DNMT3B: variants seen among roughly 807,000 people sequenced by gnomAD.
The protein encoded by DNMT3B is DNA methyltransferase 3 beta.
Under a neutral mutation model 120.2 loss-of-function variants are expected in DNMT3B, and 37 were observed. The observed-to-expected ratio is 0.31, with a 90% confidence interval of 0.24 to 0.40. The LOEUF (loss-of-function observed/expected upper bound fraction) is 0.40, where lower values mean the gene tolerates loss of function less well. Among genes scored for constraint, DNMT3B ranks in the 10% least tolerant of loss-of-function variants. The pLI is 1.00. For synonymous variants in DNMT3B, 412 were observed against 442.8 expected, an observed-to-expected ratio of 0.93 and a Z score of 0.87; for missense variants, 878 against 1,137.3, an observed-to-expected ratio of 0.77 and a Z score of 3.28.
chr20:32,794,705 G>A (rs1002635164), intron 10 of DNMT3B, among the ~76,000 whole-genome samples: 1 of 152,148 alleles, frequency 6.6e-6, no homozygotes, highest in Non-Finnish European at 1.5e-5. Context: ...AAATTTCCAA[G>A]ATGTTAGCAT....
At chr20:32,780,573 T>TC in intron 2 of DNMT3B, 108 bp downstream of exon 2, 3 of 1,501,444 alleles carry the variant, frequency 2.0e-6, no homozygotes, top group Non-Finnish European at 2.7e-6. Context: ...CCACCACAAT[T>TC]CCCCGGGAGG....
chr20:32,779,064 GC>G (rs1232090949), intron 1 of DNMT3B, among the ~76,000 whole-genome samples: 13 of 152,188 alleles, frequency 8.5e-5, no homozygotes, highest in Admixed American at 3.9e-4. Context: ...AGGCAGGGAG[GC>G]CCGGTGCATA....
intron 1 of DNMT3B, among the ~76,000 whole-genome samples, chr20:32,773,039 G>A (rs1048401320): frequency 4.0e-5 from 6 of 151,852 alleles, no homozygotes; most frequent in Admixed American, 3.9e-4. Context: ...GGCTGGTCTT[G>A]AACTCCCGAC....
chr20:32,775,636 G>T (rs28377882), intron 1 of DNMT3B, among the ~76,000 whole-genome samples: 1,752 of 152,342 alleles, frequency 0.012, 34 homozygotes, highest in African/African-American at 0.04. Context: ...CAGCCTCTGG[G>T]AAAGGGTCAG....
Position 32,787,345 on chromosome 20 carries a change from G to A in DNMT3B, c.548G>A (p.Ser183Asn). 1 of 1,614,248 alleles carries A rather than the reference G, an allele frequency of 6.2e-7. No individual in the cohort carries two copies. The highest frequency in any genetic ancestry group is 8.5e-7 in the Non-Finnish European group (1 of 1,180,042). ...GAGGACACACATGGGACGCCCCAGA[G>A]CAGCAGTACCCCCTACGCCCGCCTA... ...DTEDTHGTPQ[S>N]SSTPYARLAQ... Residue 183 changes from serine (S) to asparagine (N), a missense_variant, in exon 6 of 23, where the codon AGC (serine) becomes AAC (asparagine). By Grantham distance (46) the Ser-to-Asn change is conservative. This residue lies in a region of DNMT3B where 287 missense variants were observed against 306.2 expected (regional missense o/e 0.94). Transcript: ENST00000328111.
At chr20:32,792,845 T>A in intron 9 of DNMT3B, 75 bp downstream of exon 9, 2 of 1,596,336 alleles carry the variant, frequency 1.3e-6, no homozygotes, top group Non-Finnish European at 8.5e-7. Context: ...CAGCCACCCC[T>A]GCTGCCCCAC....
intron 15 of DNMT3B, 105 bp from the exon 16 acceptor site, chr20:32,799,139 C>A: frequency 7.8e-7 from 1 of 1,287,144 alleles, no homozygotes; most frequent in Non-Finnish European, 1.1e-6. Context: ...GCAGTGGCTA[C>A]GGCAAGGTTT....
At chr20:32,796,649 G>A in intron 12 of DNMT3B, 141 bp from the exon 13 acceptor site, 4 of 855,206 alleles carry the variant, frequency 4.7e-6, no homozygotes, top group South Asian at 4.1e-5. Flanking sequence ...GGTAGAAGCT[G>A]TGAGGCATGG....
chr20:32,795,587 A>G, intron 11 of DNMT3B, 53 bp downstream of exon 11: 1 of 1,614,194 alleles, frequency 6.2e-7, no homozygotes, highest in East Asian at 2.2e-5. Context: ...GACGCTGCAG[A>G]TCAGGAATTG....
At chr20:32,800,034 T>G in intron 16 of DNMT3B, 119 bp from the exon 17 acceptor site, 1 of 1,440,778 alleles carries the variant, frequency 6.9e-7, no homozygotes, top group Non-Finnish European at 9.7e-7. Flanking sequence ...CTTTGCTGGA[T>G]TGAACGCATG....
intron 13 of DNMT3B, 109 bp downstream of exon 13, chr20:32,796,978 G>C: frequency 6.2e-7 from 1 of 1,613,292 alleles, no homozygotes. Flanking sequence ...ACTCATCCCA[G>C]CTGCCTTGCA....
intron 1 of DNMT3B, chr20:32,780,055 C>T: frequency 6.3e-7 from 1 of 1,597,534 alleles, no homozygotes; most frequent in South Asian, 1.1e-5. Context: ...GAGACCCCAG[C>T]CCTGGCCTCC....
intron 10 of DNMT3B, 98 bp downstream of exon 10, chr20:32,793,693 T>C (rs1980262495): frequency 7.2e-7 from 1 of 1,397,140 alleles, no homozygotes; most frequent in South Asian, 1.2e-5. Flanking sequence ...ATCAAATTTC[T>C]TGAAAAGTCA....
In DNMT3B at chr20:32,795,483, A is replaced by G. The variant is rs1302172329; in HGVS notation, c.1201A>G (p.Thr401Ala). 6.2e-7 allele frequency: 1 copy of G among 1,614,184 alleles called. No homozygotes were observed. Among genetic ancestry groups the G allele is most frequent in the Non-Finnish European group, 8.5e-7 (1 of 1,180,034 alleles). The change falls in exon 11 of 23, where the codon ACA (threonine) becomes GCA (alanine). Residue 401 changes from threonine (T) to alanine (A), a missense_variant. Transcript: ENST00000328111. ...DYCPAPKRLK[T>A]NCYNNGKDRG... ...CTGCCCCGCACCCAAGCGCCTCAAG[A>G]CAAATTGCTATAACAACGGCAAAGA...
Position 32,808,495 on chromosome 20 carries a change from G to A in DNMT3B, c.*592G>A. 4.2e-6 allele frequency: 1 copy of A among 236,628 alleles called. No individual in the cohort carries two copies. The highest frequency in any genetic ancestry group is 8.3e-6 in the Non-Finnish European group (1 of 120,160). 14.7% of individuals were successfully genotyped at this position (236,628 alleles called of 1,614,324 possible). ...TTCCCCTTGCCTAAATACAAGGGCT[G>A]GAGTCTGCACGGGACCTATTAGAGT... is the stretch of plus-strand genomic sequence containing the variant. On this transcript the variant is annotated 3_prime_UTR_variant, in exon 23 of 23. Coordinates refer to ENST00000328111, the MANE Select transcript of DNMT3B (RefSeq NM_006892.4).
At position 32,793,415 on chromosome 20, in the gene DNMT3B, C is replaced by T. The variant is rs538181918; in HGVS notation, c.1067-121C>T. On this transcript the variant is annotated intron_variant, in intron 9 of 22. Coordinates refer to ENST00000328111, the MANE Select transcript of DNMT3B (RefSeq NM_006892.4). ...CCCAGGAGGCAGAGGTTGCAGTGCG[C>T]CGAGATCGCACCACTGCATTCAAGC... 15 of 1,138,512 alleles carry T rather than the reference C, an allele frequency of 1.3e-5. No individual in the cohort carries two copies. In the East Asian group the frequency reaches 3.6e-4, roughly 27 times the overall value. 70.5% of individuals were successfully genotyped at this position (1,138,512 alleles called of 1,614,324 possible).
At chr20:32,792,797 C>T (rs760850574) in intron 9 of DNMT3B, 27 bp downstream of exon 9, 5 of 1,613,626 alleles carry the variant, frequency 3.1e-6, no homozygotes, top group South Asian at 1.1e-5. Context: ...ATGGCAGCAC[C>T]CGCTGCCTCT....
intron 10 of DNMT3B, among the ~76,000 whole-genome samples, chr20:32,794,581 T>G (rs944810866): frequency 2.0e-5 from 3 of 151,776 alleles, no homozygotes; most frequent in African/African-American, 7.3e-5. Context: ...GGAGAATTTC[T>G]TGAATCCAGG....
At chr20:32,774,170 C>T (rs372168537) in intron 1 of DNMT3B, among the ~76,000 whole-genome samples, 95 of 151,812 alleles carry the variant, frequency 6.3e-4, no homozygotes, top group African/African-American at 2.1e-3. Flanking sequence ...GGTGTGGTGT[C>T]CCTCCCTGGG....
Sources: gnomAD v4.1 joint callset for allele counts (sites outside exome capture counted in the v4.1 genomes callset) on GRCh38, gnomAD v4.1.1 for gene constraint, gnomAD v4.1.1 regional missense constraint, MANE v1.5 for transcripts, NCBI Gene and HGNC (gene_info 2026-07-23, HGNC 2026-07-21) for gene names.